The following APBB2 variants were observed in gnomAD, a reference collection of about 807,000 sequenced individuals.
APBB2 encodes Fe65-like 1.
A neutral mutation model predicts 82.5 loss-of-function variants in APBB2; 38 were observed. That is an observed-to-expected ratio of 0.46 (90% CI 0.36 to 0.60). APBB2 has a LOEUF of 0.60. Ranked by LOEUF, APBB2 falls within the 20% of genes least tolerant of loss-of-function variation. The probability of loss-of-function intolerance (pLI) is 0.00; values close to 1 mark genes in which losing one functional copy is unlikely to be tolerated. For missense variants in APBB2, 772 were observed against 972.3 expected, an observed-to-expected ratio of 0.79 and a Z score of 2.74; for synonymous variants, 341 against 368.2, an observed-to-expected ratio of 0.93 and a Z score of 0.85.
chr4:41,117,101 T>C (rs1486824533), intron 2 of APBB2, among the ~76,000 whole-genome samples: 1 of 151,908 alleles, frequency 6.6e-6, no homozygotes, highest in Non-Finnish European at 1.5e-5. Flanking sequence ...GGCGATCCCC[T>C]CTTTTCTGAC....
intron 10 of APBB2, among the ~76,000 whole-genome samples, chr4:40,916,945 C>G (rs1314786419): frequency 6.6e-6 from 1 of 152,158 alleles, no homozygotes. Context: ...ATCATGCAGC[C>G]TACACAGCCT....
At chr4:40,914,457 C>G (rs1270331485) in intron 10 of APBB2, among the ~76,000 whole-genome samples, 1 of 152,192 alleles carries the variant, frequency 6.6e-6, no homozygotes, top group Non-Finnish European at 1.5e-5. Flanking sequence ...GAGGCTGAGG[C>G]AGGAGAACTG....
At chr4:41,087,743 T>C (rs1247693187) in intron 3 of APBB2, among the ~76,000 whole-genome samples, 1 of 152,154 alleles carries the variant, frequency 6.6e-6, no homozygotes, top group African/African-American at 2.4e-5. Context: ...TCCAGTATTT[T>C]AAACAAAGCG....
intron 10 of APBB2, among the ~76,000 whole-genome samples, chr4:40,913,926 C>T (rs768733017): frequency 3.9e-5 from 6 of 152,018 alleles, no homozygotes; most frequent in South Asian, 2.1e-4. Flanking sequence ...TGAAGGTCAA[C>T]GGATCAATAA....
intron 6 of APBB2, among the ~76,000 whole-genome samples, chr4:41,000,552 G>T (rs1804924977): frequency 6.6e-6 from 1 of 152,150 alleles, no homozygotes; most frequent in Admixed American, 6.5e-5. Context: ...CTAAACCACA[G>T]AAAGTGGTAA....
Position 40,982,204 on chromosome 4 carries a change from AAAAGAAAGAAAAGAAAGGAAAG to A in APBB2, c.835+31357_835+31378del, listed in dbSNP as rs1560444779. Among the ~76,000 whole-genome samples the A allele has an allele frequency of 2.3e-4, 8 of 35,374 alleles. 1 individual carries two copies. The highest frequency in any genetic ancestry group is 5.8e-4 in the African/African-American group (7 of 12,132). 23.2% of individuals were successfully genotyped at this position (35,374 alleles called of 152,430 possible). ...CTGTCTCAAAAAAAAGGAAAGAAAG[AAAAGAAAGAAAAGAAAGGAAAG>A]AAAGAAAGAAAGAAAGAAAGAAAGA... is the stretch of plus-strand genomic sequence containing the variant. On this transcript the variant is annotated intron_variant, in intron 6 of 17. Transcript: ENST00000508593.
chr4:40,916,058 G>A (rs1003681073), intron 10 of APBB2, among the ~76,000 whole-genome samples: 1 of 152,148 alleles, frequency 6.6e-6, no homozygotes, highest in Non-Finnish European at 1.5e-5. Flanking sequence ...TAATGCAAAG[G>A]TGAAGTAAAT....
intron 2 of APBB2, among the ~76,000 whole-genome samples, chr4:41,131,416 G>A (rs1755932144): frequency 6.6e-6 from 1 of 152,140 alleles, no homozygotes; most frequent in African/African-American, 2.4e-5. Flanking sequence ...CAATGGTGGT[G>A]TTTTAGACTT....
intron 10 of APBB2, among the ~76,000 whole-genome samples, chr4:40,908,559 C>A (rs544990856): frequency 7.0e-4 from 107 of 152,222 alleles, no homozygotes; most frequent in Non-Finnish European, 9.3e-4. Context: ...ACGCCTCCTC[C>A]CCTCCTCACA....
chr4:40,898,350 G>A (rs2154355504), intron 10 of APBB2, among the ~76,000 whole-genome samples: 1 of 152,242 alleles, frequency 6.6e-6, no homozygotes, highest in Non-Finnish European at 1.5e-5. Context: ...TGCAACCTCC[G>A]TCTCCCAGGT....
At chr4:41,010,516 C>A (rs1808035814) in intron 6 of APBB2, among the ~76,000 whole-genome samples, 1 of 152,174 alleles carries the variant, frequency 6.6e-6, no homozygotes, top group Non-Finnish European at 1.5e-5. Context: ...CCCTGAAAGT[C>A]TTCCTGGAAA....
At chr4:40,827,928 G>T (rs1253331846) in intron 13 of APBB2, among the ~76,000 whole-genome samples, 1 of 152,090 alleles carries the variant, frequency 6.6e-6, no homozygotes, top group Non-Finnish European at 1.5e-5. Flanking sequence ...AATCATAGGG[G>T]CAGTTTTCCC....
intron 6 of APBB2, among the ~76,000 whole-genome samples, chr4:40,948,998 G>C (rs1395595347): frequency 2.0e-5 from 3 of 151,758 alleles, no homozygotes; most frequent in African/African-American, 7.3e-5. Context: ...GGGGAAGAAG[G>C]CCAGGCACGG....
intron 10 of APBB2, among the ~76,000 whole-genome samples, chr4:40,912,675 C>T (rs992917090): frequency 5.9e-5 from 9 of 151,982 alleles, no homozygotes; most frequent in East Asian, 1.9e-4. Flanking sequence ...ACAGTGAACA[C>T]GTTACACAAA....
At chr4:40,878,893 C>T (rs1244315959) in intron 12 of APBB2, among the ~76,000 whole-genome samples, 3 of 152,150 alleles carry the variant, frequency 2.0e-5, no homozygotes, top group Admixed American at 6.5e-5. Context: ...GCCATGACCG[C>T]GCCTGCATGA....
chr4:40,994,068 T>C (rs1802918827), intron 6 of APBB2, among the ~76,000 whole-genome samples: 1 of 151,478 alleles, frequency 6.6e-6, no homozygotes, highest in Non-Finnish European at 1.5e-5. Flanking sequence ...GGCAGGCAGA[T>C]CACAAGGTCA....
At chr4:41,175,528 A>G (rs1022185901) in intron 1 of APBB2, among the ~76,000 whole-genome samples, 2 of 152,166 alleles carry the variant, frequency 1.3e-5, no homozygotes, top group Non-Finnish European at 2.9e-5. Context: ...TACAGATTAA[A>G]AAGTAGTGAT....
intron 10 of APBB2, among the ~76,000 whole-genome samples, chr4:40,931,550 A>G (rs1399944625): frequency 1.7e-4 from 26 of 152,158 alleles, no homozygotes; most frequent in Admixed American, 1.7e-3. Flanking sequence ...CAGCTTGCAA[A>G]AGTCCTTTCA....
chr4:40,818,491 A>T (rs189775664), intron 17 of APBB2, among the ~76,000 whole-genome samples: 122 of 152,346 alleles, frequency 8.0e-4, no homozygotes, highest in African/African-American at 2.9e-3. Context: ...ATCTGCTATG[A>T]TCTGTTTCAA....
Sources: allele counts gnomAD v4.1 joint callset (sites outside exome capture counted in the v4.1 genomes callset), GRCh38; gene constraint gnomAD v4.1.1; transcripts MANE v1.5; gene names NCBI Gene and HGNC (gene_info 2026-07-23, HGNC 2026-07-21).